The following ERC1 variants were observed in gnomAD, a reference collection of about 807,000 sequenced individuals.
ERC1 encodes ELKS/RAB6-interacting/CAST family member 1.
ERC1 carries 56 observed loss-of-function variants against 132.0 expected under a neutral mutation model. That is an observed-to-expected ratio of 0.42 (90% CI 0.34 to 0.53). The LOEUF is 0.53. Among genes scored for constraint, ERC1 ranks in the 20% least tolerant of loss-of-function variants. The pLI, the probability that ERC1 is intolerant of heterozygous loss-of-function variation, is 0.03. For missense variants in ERC1, 1,202 were observed against 1,349.9 expected, an observed-to-expected ratio of 0.89 and a Z score of 1.72; for synonymous variants, 478 against 476.1, an observed-to-expected ratio of 1.00 and a Z score of -0.05.
chr12:1,058,789 GTTTTT>G (rs33992098), intron 2 of ERC1, among the ~76,000 whole-genome samples: 1 of 129,864 alleles, frequency 7.7e-6, no homozygotes, highest in Non-Finnish European at 1.6e-5. Context: ...TGGAAAGTAT[GTTTTT>G]TTTTTTTTTT....
At chr12:1,078,148 A>T (rs1243197557) in intron 2 of ERC1, among the ~76,000 whole-genome samples, 1 of 152,174 alleles carries the variant, frequency 6.6e-6, no homozygotes, top group African/African-American at 2.4e-5. Flanking sequence ...ATTTCTCCTG[A>T]CTTGAATGAA....
In ERC1 at chr12:1,307,705, T is replaced by A. The variant is rs140966231; in HGVS notation, c.2780+17693T>A. Among the ~76,000 whole-genome samples the A allele has an allele frequency of 8.4e-4, 128 of 152,308 alleles. 1 individual carries two copies. The East Asian group carries it at 0.022, about 26-fold the overall frequency. On this transcript the variant is annotated intron_variant, in intron 15 of 18. Coordinates refer to ENST00000360905, the MANE Select transcript of ERC1 (RefSeq NM_178040.4). ...TCCTTTTTGCTACCCAAGATTTTTTTATTTAAAATTGAGCATTTTTAACTT... is the reference window on the plus strand; with the variant it reads ...TCCTTTTTGCTACCCAAGATTTTTTAATTTAAAATTGAGCATTTTTAACTT...
At chr12:1,468,255 G>A (rs1216732305) in intron 18 of ERC1, among the ~76,000 whole-genome samples, 7 of 132,576 alleles carry the variant, frequency 5.3e-5, no homozygotes, top group African/African-American at 1.6e-4. Flanking sequence ...TGTATGATAC[G>A]ACAGAAAAGC....
chr12:1,341,063 CTTTTTCTTTTTTTTTTTTTTTTT>C (rs2083800737), intron 15 of ERC1, among the ~76,000 whole-genome samples: 3 of 45,160 alleles, frequency 6.6e-5, no homozygotes, highest in Non-Finnish European at 1.4e-4. Context: ...TTATTCTTTT[CTTTTTCTTTTTTTTTTTTTTTTT>C]TTTTTTTTTT....
chr12:1,186,663 G>C (rs1393871591), intron 11 of ERC1, among the ~76,000 whole-genome samples: 2 of 152,176 alleles, frequency 1.3e-5, no homozygotes, highest in African/African-American at 2.4e-5. Context: ...TTAACGTATA[G>C]TTAGAACTTA....
intron 12 of ERC1, among the ~76,000 whole-genome samples, chr12:1,212,454 C>A (rs1957965696): frequency 6.6e-6 from 1 of 152,142 alleles, no homozygotes; most frequent in African/African-American, 2.4e-5. Context: ...CTTTCCTGTC[C>A]ACTCTAATAG....
intron 8 of ERC1, among the ~76,000 whole-genome samples, chr12:1,149,190 T>C (rs1228772583): frequency 1.3e-5 from 2 of 152,318 alleles, no homozygotes; most frequent in East Asian, 3.9e-4. Context: ...TCTTTTTTTC[T>C]TGGTAAAACG....
intron 9 of ERC1, 139 bp from the exon 10 acceptor site, chr12:1,181,783 CAAA>C (rs35973834): frequency 2.0e-3 from 1,391 of 697,158 alleles, no homozygotes; most frequent in South Asian, 3.8e-3. Flanking sequence ...AACTCTGTCT[CAAA>C]AAAAAAAAAA....
chr12:1,270,432 T>G (rs999806425), intron 14 of ERC1, among the ~76,000 whole-genome samples: 3 of 152,004 alleles, frequency 2.0e-5, no homozygotes, highest in African/African-American at 7.2e-5. Flanking sequence ...CTGGTCTCAA[T>G]CCTGACCTCA....
At chr12:1,242,541 G>A (rs1413077629) in intron 13 of ERC1, among the ~76,000 whole-genome samples, 2 of 152,162 alleles carry the variant, frequency 1.3e-5, no homozygotes, top group Non-Finnish European at 2.9e-5. Context: ...AAAAGTATTA[G>A]CAAATGCTCT....
rs72653423 is a variant in ERC1, at chr12:1,114,620, A to T, written c.1402-1246A>T. Among the ~76,000 whole-genome samples, 2,186 of 152,282 alleles carry T rather than the reference A, an allele frequency of 0.014. 94 individuals carry two copies. The East Asian group carries it at 0.15, about 10-fold the overall frequency. ...TGTTAATGGGTTGTTTTTATTGGTG[A>T]AGGGATATCATAAAAGACTCCACGT... On this transcript the variant is annotated intron_variant, in intron 6 of 18. Transcript: ENST00000360905.
intron 3 of ERC1, among the ~76,000 whole-genome samples, chr12:1,091,235 A>T (rs1189348476): frequency 6.6e-6 from 1 of 151,884 alleles, no homozygotes; most frequent in Admixed American, 6.6e-5. Context: ...TTCTTTTTTT[A>T]TCTTACAAGG....
intron 11 of ERC1, among the ~76,000 whole-genome samples, chr12:1,185,214 T>TA (rs1954941724): frequency 6.6e-6 from 1 of 151,102 alleles, no homozygotes; most frequent in East Asian, 1.9e-4. Context: ...TGGCCTTTTG[T>TA]TTTTTTTTAA....
At chr12:1,032,876 A>G (rs1425836501) in intron 2 of ERC1, among the ~76,000 whole-genome samples, 1 of 149,338 alleles carries the variant, frequency 6.7e-6, no homozygotes, top group Non-Finnish European at 1.5e-5. Flanking sequence ...TTTTTTTTTT[A>G]ATTGTTGTTG....
intron 10 of ERC1, among the ~76,000 whole-genome samples, chr12:1,182,892 C>G (rs1301650255): frequency 6.6e-6 from 1 of 152,100 alleles, no homozygotes; most frequent in Non-Finnish European, 1.5e-5. Context: ...GTCTTGAACT[C>G]CTGGCCTCAA....
At chr12:1,307,069 T>A (rs956396141) in intron 15 of ERC1, among the ~76,000 whole-genome samples, 3 of 152,192 alleles carry the variant, frequency 2.0e-5, no homozygotes, top group African/African-American at 7.2e-5. Flanking sequence ...TTGTGTCTCA[T>A]CTCTTTGATC....
chr12:1,382,863 GT>G (rs959981602), intron 16 of ERC1, among the ~76,000 whole-genome samples: 1 of 152,072 alleles, frequency 6.6e-6, no homozygotes, highest in African/African-American at 2.4e-5. Flanking sequence ...AAAAATCTTG[GT>G]TTTTTTGAAT....
chr12:1,244,624 T>A (rs1261172116), intron 13 of ERC1: 1 of 438,810 alleles, frequency 2.3e-6, no homozygotes, highest in African/African-American at 2.0e-5. Context: ...CGGATTCAAG[T>A]GATTCTCATG....
chr12:1,317,979 ATTAT>A (rs2081884809), intron 15 of ERC1, among the ~76,000 whole-genome samples: 1 of 152,198 alleles, frequency 6.6e-6, no homozygotes, highest in Admixed American at 6.5e-5. Context: ...TATATTGTAA[ATTAT>A]TTATAAAAAT....
Sources: allele counts gnomAD v4.1 joint callset (sites outside exome capture counted in the v4.1 genomes callset), GRCh38; gene constraint gnomAD v4.1.1; transcripts MANE v1.5; gene names NCBI Gene and HGNC (gene_info 2026-07-23, HGNC 2026-07-21).